CEP83: variants seen among roughly 807,000 people sequenced by gnomAD.
CEP83 encodes centrosomal protein 83.
Under a neutral mutation model 101.9 loss-of-function variants are expected in CEP83, and 70 were observed. The observed-to-expected ratio is 0.69, with a 90% CI of 0.57 to 0.84. The LOEUF (loss-of-function observed/expected upper bound fraction) is 0.84. CEP83 is among the 40% of genes least tolerant of loss of function. CEP83 has a pLI of 0.00. For synonymous variants in CEP83, 264 were observed against 267.9 expected (o/e 0.99, Z 0.14); for missense variants, 715 against 787.2 (o/e 0.91, Z 1.10).
intron 11 of CEP83, among the ~76,000 whole-genome samples, chr12:94,354,330 C>T (rs1386093792): frequency 2.0e-5 from 3 of 151,940 alleles, no homozygotes; most frequent in Non-Finnish European, 4.4e-5. Flanking sequence ...TACTGTCACG[C>T]ACCACCAAAC....
chr12:94,280,350 T>C, the CEP83 span, among the ~76,000 whole-genome samples: 4 of 152,310 alleles, frequency 2.6e-5, no homozygotes, highest in Admixed American at 2.6e-4. Context: ...AAATGAAGAA[T>C]AGAATCATGG....
chr12:94,283,065 T>G, the CEP83 span, among the ~76,000 whole-genome samples: 1 of 152,166 alleles, frequency 6.6e-6, no homozygotes, highest in African/African-American at 2.4e-5. Context: ...TTGTTGAATA[T>G]CCACTCTGAT....
chr12:94,347,347 C>T (rs1247833684), intron 11 of CEP83, among the ~76,000 whole-genome samples: 3 of 152,106 alleles, frequency 2.0e-5, no homozygotes, highest in African/African-American at 7.2e-5. Context: ...ATTAAGACCA[C>T]AGGTGACATG....
In CEP83 at chr12:94,388,704, C is replaced by T. The variant is rs117705244; in HGVS notation, c.550-9662G>A. 6.6e-5 allele frequency among the ~76,000 whole-genome samples: 10 copies of T among 152,222 alleles called. No individual in the cohort carries two copies. In the East Asian group the frequency reaches 1.3e-3, roughly 21 times the overall value. The stretch of plus-strand genomic sequence containing the variant: ...TTTTTTACACTGACTTTAATTTGTG[C>T]TTTTGATGAAAATACATTTCACTTT... On this transcript the variant is annotated intron_variant, in intron 6 of 16. Transcript: ENST00000397809.
At chr12:94,348,426 G>A (rs2060042094) in intron 11 of CEP83, among the ~76,000 whole-genome samples, 1 of 152,090 alleles carries the variant, frequency 6.6e-6, no homozygotes, top group Non-Finnish European at 1.5e-5. Context: ...ATAAGTGGGT[G>A]TCTCATGAAC....
At chr12:94,423,644 G>A (rs62621447) in intron 2 of CEP83, 117,022 of 1,551,152 alleles carry the variant, frequency 0.075, 4,780 homozygotes, top group Admixed American at 0.11. Flanking sequence ...CAGGGCCGAC[G>A]GATGGTCTCC....
At chr12:94,296,265 A>G in the CEP83 span, among the ~76,000 whole-genome samples, 2 of 152,096 alleles carry the variant, frequency 1.3e-5, no homozygotes, top group South Asian at 4.2e-4. Context: ...GGCTCAAATG[A>G]TCCTCCCACC....
At chr12:94,459,918 C>G (rs956467122), upstream of CEP83, 1 of 152,512 alleles carries the variant, frequency 6.6e-6, no homozygotes, top group Admixed American at 6.5e-5. Context: ...CCTCATCGCA[C>G]CGCCCCACCA....
chr12:94,345,289 T>C (rs2059879804), intron 11 of CEP83, among the ~76,000 whole-genome samples: 1 of 152,162 alleles, frequency 6.6e-6, no homozygotes, highest in Non-Finnish European at 1.5e-5. Context: ...GATGTATATA[T>C]ATTGGTTTAC....
At chr12:94,331,661 C>A in intron 14 of CEP83, 39 bp downstream of exon 14, 2 of 1,604,662 alleles carry the variant, frequency 1.2e-6, no homozygotes, top group Non-Finnish European at 1.7e-6. Context: ...TGTGAGCCAC[C>A]ATGCCTGGCC....
At chr12:94,377,210 A>T (rs2061598777) in intron 7 of CEP83, among the ~76,000 whole-genome samples, 1 of 152,192 alleles carries the variant, frequency 6.6e-6, no homozygotes, top group African/African-American at 2.4e-5. Flanking sequence ...GCCTAACTTA[A>T]GCATCCTCAA....
In CEP83 at chr12:94,388,833, G is replaced by GA. The variant is rs1025828592; in HGVS notation, c.550-9792dup. 7.9e-5 allele frequency among the ~76,000 whole-genome samples: 12 copies of GA among 151,992 alleles called. No individual in the cohort carries two copies. In the South Asian group the frequency reaches 1.9e-3, roughly 24 times the overall value. ...AAGAGTATAGTGATTTTGCTAAATT[G>GA]AAAAAAAATGTGGCTGGGTGCAGTG... On this transcript the variant is annotated intron_variant, in intron 6 of 16. Coordinates refer to ENST00000397809, the MANE Select transcript of CEP83 (RefSeq NM_016122.3).
rs572687285 is a variant in CEP83 at position 94,348,707 on chromosome 12, A to G, written c.1344-13043T>C. On this transcript the variant is annotated intron_variant, in intron 11 of 16. Transcript: ENST00000397809. ...TTCTGAATCCCAGGGAAACCATTAC[A>G]TTTGATAAGTATGCTCAGCAAATCG... 6.6e-5 allele frequency among the ~76,000 whole-genome samples: 10 copies of G among 152,240 alleles called. No individual in the cohort carries two copies. In the South Asian group the frequency reaches 1.0e-3, roughly 16 times the overall value.
the CEP83 span, among the ~76,000 whole-genome samples, chr12:94,297,767 C>T: frequency 6.6e-6 from 1 of 152,134 alleles, no homozygotes; most frequent in African/African-American, 2.4e-5. Context: ...ATAAAACTCC[C>T]TTTTTGAATT....
chr12:94,424,088 G>T, intron 2 of CEP83: 1 of 1,609,808 alleles, frequency 6.2e-7, no homozygotes, highest in South Asian at 1.1e-5. Context: ...AGATGTCTGA[G>T]TCACTCTCTG....
intron 9 of CEP83, chr12:94,368,883 CG>C: frequency 6.6e-6 from 1 of 152,296 alleles, no homozygotes; most frequent in East Asian, 1.9e-4. Flanking sequence ...CAGCCAGACA[CG>C]GTGTTAGCAC....
intron 1 of CEP83, among the ~76,000 whole-genome samples, chr12:94,458,850 T>C (rs1377407698): frequency 2.0e-5 from 3 of 152,208 alleles, no homozygotes; most frequent in African/African-American, 7.2e-5. Flanking sequence ...TTCATAAATA[T>C]GGAAAATTCT....
In CEP83 at chr12:94,389,124, C is replaced by T. The variant is rs1385143868; in HGVS notation, c.550-10082G>A. ...CCTGGGGAACAGAGTAAGACTTTGT[C>T]TTAAAAAAGAAAGAAAGAAAATGCC... On this transcript the variant is annotated intron_variant, in intron 6 of 16. Transcript: ENST00000397809. 6.6e-5 allele frequency among the ~76,000 whole-genome samples: 10 copies of T among 151,838 alleles called. 1 individual carries two copies. The highest frequency in any genetic ancestry group is 5.3e-4 in the Admixed American group (8 of 15,236).
chr12:94,333,112 A>T (rs1045589362), intron 13 of CEP83, among the ~76,000 whole-genome samples: 24 of 151,698 alleles, frequency 1.6e-4, no homozygotes, highest in African/African-American at 5.8e-4. Context: ...TTCTAATTCA[A>T]GGAATTAAGT....
Sources: allele counts gnomAD v4.1 joint callset (sites outside exome capture counted in the v4.1 genomes callset), GRCh38; gene constraint gnomAD v4.1.1; transcripts MANE v1.5; gene names NCBI Gene and HGNC (gene_info 2026-07-23, HGNC 2026-07-21).